Variants in DYSF observed in about 807,000 individuals in gnomAD.
DYSF encodes dystrophy-associated fer-1-like 1.
A neutral mutation model predicts 274.9 loss-of-function variants in DYSF; 212 were observed. That is an observed-to-expected ratio of 0.77 (90% confidence interval 0.69 to 0.86). The LOEUF is 0.86. Among genes scored for constraint, DYSF ranks in the 40% least tolerant of loss-of-function variants. The pLI is 0.00. For missense variants in DYSF, 2,666 were observed against 2,783.2 expected, an observed-to-expected ratio of 0.96 and a Z score of 0.95; for synonymous variants, 1,091 against 1,078.7, an observed-to-expected ratio of 1.01 and a Z score of -0.22.
rs982656543 is a variant in DYSF, at chr2:71,654,110, T to G, written c.4627-2052T>G. On this transcript the variant is annotated intron_variant, in intron 42 of 55. Coordinates refer to ENST00000410020, the MANE Select transcript of DYSF (RefSeq NM_001130987.2). Reference sequence around the variant, plus strand: ...ATGGAAAATGTACAAATGACAAGGATGAGCAGAAGAAATACAAATGGCTGA... The same window carrying G: ...ATGGAAAATGTACAAATGACAAGGAGGAGCAGAAGAAATACAAATGGCTGA... 5.9e-5 allele frequency among the ~76,000 whole-genome samples: 9 copies of G among 152,100 alleles called. 1 individual carries two copies. Among genetic ancestry groups the G allele is most frequent in the Admixed American group, 4.6e-4 (7 of 15,260 alleles).
rs111389127 is a variant in DYSF, at chr2:71,556,087, C to T, written c.2216+16C>T. The T allele has an allele frequency of 0.014, 20,936 of 1,548,608 alleles. 186 individuals carry two copies. The highest frequency in any genetic ancestry group is 0.019 in the South Asian group (1,576 of 84,248). The stretch of plus-strand genomic sequence containing the variant: ...CAGGCTGCAGGTAGGGGGGACCTGG[C>T]GCCCCTGGTGCCCACCTCTCCTGGC... On this transcript the variant is annotated intron_variant, in intron 22 of 55. Coordinates refer to ENST00000410020, the MANE Select transcript of DYSF (RefSeq NM_001130987.2).
At chr2:71,621,455 C>T (rs1429449043) in intron 41 of DYSF, among the ~76,000 whole-genome samples, 2 of 151,876 alleles carry the variant, frequency 1.3e-5, no homozygotes, top group Non-Finnish European at 2.9e-5. Context: ...TTTATTCCTA[C>T]CAGTTTATGA....
At chr2:71,647,547 T>C (rs1030181910) in intron 42 of DYSF, among the ~76,000 whole-genome samples, 2 of 152,200 alleles carry the variant, frequency 1.3e-5, no homozygotes, top group African/African-American at 4.8e-5. Context: ...CAAAATCCAT[T>C]TTCAGAAAAG....
At chr2:71,647,329 C>A (rs891400004) in intron 42 of DYSF, among the ~76,000 whole-genome samples, 2 of 152,044 alleles carry the variant, frequency 1.3e-5, no homozygotes, top group African/African-American at 4.8e-5. Context: ...AAAATTTGAT[C>A]ACATATTAGT....
At chr2:71,541,776 A>C (rs2089949983) in intron 17 of DYSF, among the ~76,000 whole-genome samples, 1 of 151,850 alleles carries the variant, frequency 6.6e-6, no homozygotes, top group African/African-American at 2.4e-5. Flanking sequence ...CATTTGATCT[A>C]TTTTGAATTT....
At chr2:71,651,952 T>A (rs967471376) in intron 42 of DYSF, among the ~76,000 whole-genome samples, 5 of 152,182 alleles carry the variant, frequency 3.3e-5, no homozygotes, top group Non-Finnish European at 7.4e-5. Context: ...TATTGATGAT[T>A]TATAAGATCA....
chr2:71,605,252 G>T (rs11889458), intron 36 of DYSF, among the ~76,000 whole-genome samples: 1 of 152,246 alleles, frequency 6.6e-6, no homozygotes, highest in Non-Finnish European at 1.5e-5. Flanking sequence ...CCCTCTGTCT[G>T]GTTTCTTTTC....
At chr2:71,589,336 TA>T (rs963779576) in intron 30 of DYSF, among the ~76,000 whole-genome samples, 3 of 152,198 alleles carry the variant, frequency 2.0e-5, no homozygotes, top group Non-Finnish European at 2.9e-5. Context: ...CTGGAACAAC[TA>T]AAAATTCCGT....
At chr2:71,685,716 A>G (rs2095348676) in intron 55 of DYSF, among the ~76,000 whole-genome samples, 1 of 152,074 alleles carries the variant, frequency 6.6e-6, no homozygotes, top group Non-Finnish European at 1.5e-5. Context: ...CAGCGTGGGG[A>G]GGCAGGAGGC....
chr2:71,580,911 G>A (rs776717561), intron 30 of DYSF, among the ~76,000 whole-genome samples: 3 of 152,240 alleles, frequency 2.0e-5, no homozygotes, highest in Non-Finnish European at 2.9e-5. Flanking sequence ...CAGATTCATG[G>A]CTGCAGAGGA....
At position 71,526,200 on chromosome 2, in the gene DYSF, G is replaced by A. The variant is rs186036570; in HGVS notation, c.1150-20G>A. The A allele has an allele frequency of 3.6e-4, 579 of 1,614,192 alleles. 7 individuals are homozygous for A. The South Asian group carries it at 4.5e-3, about 12-fold the overall frequency. On this transcript the variant is annotated intron_variant, in intron 12 of 55. Coordinates refer to ENST00000410020, the MANE Select transcript of DYSF (RefSeq NM_001130987.2). ...GTGCTCAGGAGCGCATGAAGGAATC[G>A]TATTTGGTTTTCTTTGTAGCTGGAG...
intron 40 of DYSF, among the ~76,000 whole-genome samples, chr2:71,617,922 G>T (rs373825571): frequency 8.0e-5 from 10 of 124,588 alleles, no homozygotes; most frequent in Admixed American, 2.5e-4. Flanking sequence ...GTGTGTGTGT[G>T]TGGTAGAGGT....
At position 71,488,550 on chromosome 2, in the gene DYSF, C is replaced by T. The variant is rs4597556; in HGVS notation, c.239+6580C>T. Among the ~76,000 whole-genome samples the T allele has an allele frequency of 1.0e-3, 158 of 152,266 alleles. No homozygotes were observed. In the East Asian group the frequency reaches 0.011, roughly 11 times the overall value. On this transcript the variant is annotated intron_variant, in intron 3 of 55. Transcript: ENST00000410020. ...CTGTTAAATGAGGAGGTCTCAAATA[C>T]CACAGGCGACACCTTATATTAAGGC...
Position 71,466,789 on chromosome 2 carries a change from T to TGCTCCC in DYSF, c.-45_-40dup. 4 of 1,453,534 alleles carry TGCTCCC rather than the reference T, an allele frequency of 2.8e-6. No homozygotes were observed. In the South Asian group the frequency reaches 5.3e-5, roughly 19 times the overall value. The allele number at this position is 1,453,534 out of a possible 1,614,324, so 90.0% of individuals were successfully genotyped here. A position where few individuals can be genotyped will look rare whatever the true frequency, so the allele number is the denominator to read the frequency against. On this transcript the variant is annotated 5_prime_UTR_variant, in exon 1 of 56. Coordinates refer to ENST00000410020, the MANE Select transcript of DYSF (RefSeq NM_001130987.2). ...TTGCTGGGTGGGTGCTCGGGCCCGG[T>TGCTCCC]GCTCCCGCTCCCGCCCTGACTGCGC...
chr2:71,613,276 G>A (rs1394422849), intron 39 of DYSF, 58 bp from the exon 40 acceptor site: 3 of 1,530,416 alleles, frequency 2.0e-6, no homozygotes, highest in Non-Finnish European at 2.7e-6. Flanking sequence ...TGGGGCTGGT[G>A]AGGGGCGAGC....
chr2:71,641,646 T>A (rs533643739), intron 41 of DYSF, among the ~76,000 whole-genome samples: 5 of 151,020 alleles, frequency 3.3e-5, no homozygotes, highest in Non-Finnish European at 7.4e-5. Flanking sequence ...TAAGATAAAA[T>A]TTTTTTTTTG....
intron 50 of DYSF, 133 bp downstream of exon 50, chr2:71,669,340 G>C (rs2095077120): frequency 1.1e-6 from 1 of 918,212 alleles, no homozygotes; most frequent in African/African-American, 1.6e-5. Context: ...GCTCCTGGGG[G>C]TGGTCCCTGC....
chr2:71,499,539 G>A (rs1209471686), intron 3 of DYSF, among the ~76,000 whole-genome samples: 1 of 152,216 alleles, frequency 6.6e-6, no homozygotes, highest in Non-Finnish European at 1.5e-5. Context: ...GCTGCCTAAG[G>A]CTAAGGTTTG....
Position 71,682,633 on chromosome 2 carries a change from T to C in DYSF, c.6277T>C (p.Phe2093Leu). The C allele has an allele frequency of 6.2e-7, 1 of 1,614,170 alleles. No homozygotes were observed. Among genetic ancestry groups the C allele is most frequent in the Non-Finnish European group, 8.5e-7 (1 of 1,180,022 alleles). ...RWAIILFIIL[F>L]ILLLFLAIFI... ...GGCCATCATCCTCTTCATCATCCTCTTCATCCTGCTGCTGTTCCTGGCCAT... is the reference window on the plus strand; with the variant it reads ...GGCCATCATCCTCTTCATCATCCTCCTCATCCTGCTGCTGTTCCTGGCCAT... Residue 2093 changes from phenylalanine to leucine, a missense_variant, in exon 55 of 56, where the codon TTC becomes CTC. Physicochemically the swap from Phe to Leu is conservative, Grantham distance 22 (BLOSUM62 0). Transcript: ENST00000410020.
Sources: gnomAD v4.1 joint callset for allele counts (sites outside exome capture counted in the v4.1 genomes callset) on GRCh38, gnomAD v4.1.1 for gene constraint, MANE v1.5 for transcripts, NCBI Gene and HGNC (gene_info 2026-07-23, HGNC 2026-07-21) for gene names.